BCAS3: variants seen among roughly 807,000 people sequenced by gnomAD.
BCAS3 encodes the protein BCAS3 microtubule associated cell migration factor.
BCAS3 carries 53 observed loss-of-function variants against 116.1 expected under a neutral mutation model. The observed-to-expected ratio is 0.46, with a 90% CI of 0.37 to 0.57. The LOEUF (loss-of-function observed/expected upper bound fraction) is 0.57, where lower values mean the gene tolerates loss of function less well. BCAS3 is among the 20% of genes least tolerant of loss of function. The pLI is 0.00. For synonymous variants in BCAS3, 391 were observed against 408.2 expected (o/e 0.96, Z 0.51); for missense variants, 917 against 1,165.4 (o/e 0.79, Z 3.10).
intron 5 of BCAS3, among the ~76,000 whole-genome samples, chr17:60,741,407 A>G (rs990939556): frequency 6.6e-6 from 1 of 152,206 alleles, no homozygotes; most frequent in Admixed American, 6.5e-5. Flanking sequence ...TCATTATTGT[A>G]TTTGGAATTA....
chr17:60,948,466 G>A (rs1385225676), intron 14 of BCAS3, among the ~76,000 whole-genome samples: 1 of 152,092 alleles, frequency 6.6e-6, no homozygotes, highest in East Asian at 1.9e-4. Context: ...TAGATATTGT[G>A]TATTGTCTTA....
At chr17:61,168,765 G>T (rs1329882394) in intron 22 of BCAS3, among the ~76,000 whole-genome samples, 1 of 152,170 alleles carries the variant, frequency 6.6e-6, no homozygotes, top group Non-Finnish European at 1.5e-5. Flanking sequence ...AAGGCTTATA[G>T]TCATTGCAAA....
intron 13 of BCAS3, among the ~76,000 whole-genome samples, chr17:60,927,119 T>G (rs1380582980): frequency 6.6e-6 from 1 of 152,224 alleles, no homozygotes; most frequent in Admixed American, 6.5e-5. Flanking sequence ...TGAATTATTT[T>G]GAACTATTCC....
intron 7 of BCAS3, among the ~76,000 whole-genome samples, chr17:60,867,096 G>T (rs926874620): frequency 6.7e-6 from 1 of 149,976 alleles, no homozygotes; most frequent in African/African-American, 2.5e-5. Context: ...TTTCTTTTAG[G>T]TAGGTTTTTT....
intron 22 of BCAS3, among the ~76,000 whole-genome samples, chr17:61,138,154 G>A (rs576113619): frequency 1.3e-5 from 2 of 152,202 alleles, no homozygotes; most frequent in Non-Finnish European, 1.5e-5. Context: ...ATAGTCACAT[G>A]TGGCTGCTGA....
chr17:61,322,812 GAGAGAGAGAGAGAGAGAC>G (rs2055361061), intron 22 of BCAS3, among the ~76,000 whole-genome samples: 29 of 131,426 alleles, frequency 2.2e-4, no homozygotes, highest in African/African-American at 7.6e-4. Flanking sequence ...GAGAGAGAGA[GAGAGAGAGAGAGAGAGAC>G]AGAGAGAGAG....
At chr17:61,076,440 T>C (rs1032529860) in intron 20 of BCAS3, among the ~76,000 whole-genome samples, 2 of 152,242 alleles carry the variant, frequency 1.3e-5, no homozygotes, top group African/African-American at 4.8e-5. Flanking sequence ...GGAAGTTCCT[T>C]GAAGGAAGTT....
chr17:61,024,571 G>T (rs1231315915), intron 16 of BCAS3, among the ~76,000 whole-genome samples: 1 of 152,026 alleles, frequency 6.6e-6, no homozygotes, highest in African/African-American at 2.4e-5. Context: ...TGCATTTTAG[G>T]ATTATGGGAC....
chr17:60,694,984 G>A (rs2035390095), intron 4 of BCAS3, among the ~76,000 whole-genome samples: 1 of 152,014 alleles, frequency 6.6e-6, no homozygotes, highest in African/African-American at 2.4e-5. Context: ...TGGGTAGAAT[G>A]ATAGATTATT....
intron 4 of BCAS3, chr17:60,696,219 C>T (rs932337787): frequency 3.9e-5 from 6 of 152,188 alleles, no homozygotes; most frequent in Non-Finnish European, 7.3e-5. Context: ...ATGTGCCTAT[C>T]CCTGTGCTTG....
chr17:61,197,854 C>T (rs555669814), intron 22 of BCAS3, among the ~76,000 whole-genome samples: 1 of 152,286 alleles, frequency 6.6e-6, no homozygotes, highest in East Asian at 1.9e-4. Flanking sequence ...CCTATAGTAT[C>T]AAAACAAATG....
At chr17:60,844,957 CG>C (rs1454351504) in intron 7 of BCAS3, among the ~76,000 whole-genome samples, 1 of 152,108 alleles carries the variant, frequency 6.6e-6, no homozygotes, top group Admixed American at 6.5e-5. Context: ...AGGCTGGGCA[CG>C]GTGGCTTATG....
At chr17:60,825,165 CAAA>C (rs796973382) in intron 7 of BCAS3, among the ~76,000 whole-genome samples, 4 of 110,258 alleles carry the variant, frequency 3.6e-5, no homozygotes, top group Admixed American at 9.8e-5. Context: ...GAACCTGTCT[CAAA>C]AAAAAAAAAA....
At chr17:60,679,338 A>C (rs1440958964) in intron 1 of BCAS3, 115 bp from the exon 2 acceptor site, 2 of 672,886 alleles carry the variant, frequency 3.0e-6, no homozygotes, top group East Asian at 2.7e-5. Context: ...AGTTTCCTAC[A>C]TTTGAGGCAT....
At chr17:60,718,054 C>T (rs2038837319) in intron 5 of BCAS3, among the ~76,000 whole-genome samples, 1 of 152,170 alleles carries the variant, frequency 6.6e-6, no homozygotes, top group Non-Finnish European at 1.5e-5. Flanking sequence ...CTATGATAAT[C>T]TAATGCTGCT....
chr17:61,026,975 T>C lies in BCAS3; in HGVS notation c.1638-7691T>C. 1 of 1,489,202 alleles carries C rather than the reference T, an allele frequency of 6.7e-7. No homozygotes were observed. The highest frequency in any genetic ancestry group is 9.2e-7 in the Non-Finnish European group (1 of 1,088,614). 92.2% of individuals were successfully genotyped at this position (1,489,202 alleles called of 1,614,324 possible). ...TGTACTCTCAAAAAGTAATTTGTTT[T>C]GTAGTTTTGTTTCCAGTTGCATGGC... On this transcript the variant is annotated intron_variant, in intron 16 of 23. Transcript: ENST00000407086. The surrounding 1 kb of genome is among the most constrained non-coding windows in gnomAD (Gnocchi z 5.0).
rs574147542 is a variant in BCAS3 at position 61,239,266 on chromosome 17, T to C, written c.2426-129061T>C. ...TGGGTTAGAACAGATTCTCTGCATA[T>C]CAGATTTGAAGAGAAGATCTTAGTT... is the stretch of plus-strand genomic sequence containing the variant. On this transcript the variant is annotated intron_variant, in intron 22 of 23. Coordinates refer to ENST00000407086, the MANE Select transcript of BCAS3 (RefSeq NM_017679.5). The surrounding 1 kb of genome is among the most constrained non-coding windows in gnomAD (Gnocchi z 4.2). Among the ~76,000 whole-genome samples the C allele has an allele frequency of 5.9e-5, 9 of 152,348 alleles. No individual in the cohort carries two copies. The East Asian group carries it at 1.7e-3, about 29-fold the overall frequency.
At chr17:61,031,330 A>G (rs779057509) in intron 16 of BCAS3, among the ~76,000 whole-genome samples, 24 of 152,020 alleles carry the variant, frequency 1.6e-4, no homozygotes, top group Non-Finnish European at 2.6e-4. Context: ...ACAAAAGGTT[A>G]TTTTGTGATA....
At chr17:61,166,547 A>G in intron 22 of BCAS3, among the ~76,000 whole-genome samples, 1 of 151,428 alleles carries the variant, frequency 6.6e-6, no homozygotes, top group Admixed American at 6.6e-5. Context: ...ACAGCCATGC[A>G]CCACCATACC....
Sources: gnomAD v4.1 joint callset for allele counts (sites outside exome capture counted in the v4.1 genomes callset) on GRCh38, gnomAD v4.1.1 for gene constraint, Gnocchi (gnomAD v3.1) non-coding constraint, MANE v1.5 for transcripts, NCBI Gene and HGNC (gene_info 2026-07-23, HGNC 2026-07-21) for gene names.